KTN1: variants seen among roughly 807,000 people sequenced by gnomAD.
KTN1 encodes the protein kinectin.
KTN1 carries 130 observed loss-of-function variants against 222.5 expected under a neutral mutation model. The ratio of observed to expected loss-of-function variants is 0.58; its 90% CI spans 0.51 to 0.68. The LOEUF (loss-of-function observed/expected upper bound fraction) is 0.68. Ranked by LOEUF, KTN1 falls within the 30% of genes least tolerant of loss-of-function variation. The pLI is 0.00. For missense variants in KTN1, 1,508 were observed against 1,500.4 expected (o/e 1.01, Z -0.08); for synonymous variants, 512 against 496.3 (o/e 1.03, Z -0.42).
At chr14:55,637,737 T>G in intron 11 of KTN1, 42 bp from the exon 12 acceptor site, 1 of 1,433,186 alleles carries the variant, frequency 7.0e-7, no homozygotes, top group Non-Finnish European at 9.8e-7. Flanking sequence ...TGGGGTTATT[T>G]ATTAGCATGC....
chr14:55,671,736 T>C (rs755738895), intron 36 of KTN1, 49 bp from the exon 37 acceptor site: 1 of 1,537,008 alleles, frequency 6.5e-7, no homozygotes, highest in Non-Finnish European at 9.0e-7. Flanking sequence ...TAGTTTTATC[T>C]TGGCATTAGA....
chr14:55,608,010 G>GTC (rs1482208156), intron 1 of KTN1, among the ~76,000 whole-genome samples: 1 of 152,174 alleles, frequency 6.6e-6, no homozygotes, highest in Admixed American at 6.5e-5. Flanking sequence ...GCGTCTACAT[G>GTC]TCTCCATGTT....
At chr14:55,635,891 T>C (rs2041066920) in intron 9 of KTN1, among the ~76,000 whole-genome samples, 1 of 152,200 alleles carries the variant, frequency 6.6e-6, no homozygotes, top group African/African-American at 2.4e-5. Flanking sequence ...TGTTGGGAGA[T>C]TGATATAAGT....
At chr14:55,657,397 G>GTTTTTTTTTTTTTTTTT (rs35297700) in intron 29 of KTN1, among the ~76,000 whole-genome samples, 99 of 137,600 alleles carry the variant, frequency 7.2e-4, no homozygotes, top group African/African-American at 2.5e-3. Flanking sequence ...CTGAGTTGAC[G>GTTTTTTTTTTTTTTTTT]TTTTTTTTTT....
At chr14:55,615,679 A>G (rs543383155) in intron 2 of KTN1, among the ~76,000 whole-genome samples, 5 of 152,266 alleles carry the variant, frequency 3.3e-5, no homozygotes, top group East Asian at 1.9e-4. Context: ...TCAGGTTGCA[A>G]TTAGCTGAGG....
intron 5 of KTN1, among the ~76,000 whole-genome samples, chr14:55,621,909 C>T (rs1007671246): frequency 2.1e-5 from 3 of 142,040 alleles, no homozygotes; most frequent in Non-Finnish European, 4.5e-5. Context: ...AGTGCAGTGG[C>T]GTGATCTCGG....
In KTN1 at chr14:55,671,666, A is replaced by AT; in HGVS notation, c.3438+16dup. ...GTCCTTGCAGAAACAGTAGGAAATG[A>AT]TTTTTAATCTACATTTTGATTTTAC... On this transcript the variant is annotated intron_variant, in intron 36 of 43. Transcript: ENST00000395314. 1.9e-6 allele frequency: 3 copies of AT among 1,596,564 alleles called. No individual in the cohort carries two copies. The highest frequency in any genetic ancestry group is 3.3e-4 in the Middle Eastern group (2 of 6,006).
intron 29 of KTN1, among the ~76,000 whole-genome samples, chr14:55,657,397 G>GTTTTTTTTTTTTTGTTTTTTTTTTTTTTT: frequency 7.3e-6 from 1 of 137,672 alleles, no homozygotes; most frequent in South Asian, 2.3e-4. Flanking sequence ...CTGAGTTGAC[G>GTTTTTTTTTTTTTGTTTTTTTTTTTTTTT]TTTTTTTTTT....
At chr14:55,581,741 C>CA (rs1049598700) in intron 1 of KTN1, among the ~76,000 whole-genome samples, 28 of 152,154 alleles carry the variant, frequency 1.8e-4, no homozygotes, top group African/African-American at 6.8e-4. Flanking sequence ...TGGTCCGAAG[C>CA]AATTGCTGGT....
At chr14:55,606,623 A>C (rs758338320) in intron 1 of KTN1, among the ~76,000 whole-genome samples, 2 of 152,142 alleles carry the variant, frequency 1.3e-5, no homozygotes, top group Non-Finnish European at 2.9e-5. Flanking sequence ...AAATTGTTGT[A>C]TTACTTGAAA....
intron 31 of KTN1, among the ~76,000 whole-genome samples, chr14:55,660,389 G>GTTT (rs34898734): frequency 1.6e-5 from 2 of 121,762 alleles, no homozygotes; most frequent in Non-Finnish European, 3.4e-5. Flanking sequence ...TTCTTAAGGA[G>GTTT]TTTTTTTTTT....
intron 1 of KTN1, among the ~76,000 whole-genome samples, chr14:55,602,408 T>A (rs987853368): frequency 1.3e-5 from 2 of 152,312 alleles, no homozygotes; most frequent in African/African-American, 4.8e-5. Context: ...GTAGATACTA[T>A]ATACTTCCTT....
chr14:55,646,473 T>TTCCTTTTC (rs771130384), intron 18 of KTN1, among the ~76,000 whole-genome samples: 1 of 51,258 alleles, frequency 2.0e-5, no homozygotes, highest in Non-Finnish European at 3.9e-5. Flanking sequence ...TCCTTTCCTT[T>TTCCTTTTC]CCTTTCCTTT....
chr14:55,667,135 A>G (rs1259680724), intron 33 of KTN1, 106 bp from the exon 34 acceptor site: 2 of 715,800 alleles, frequency 2.8e-6, no homozygotes, highest in Non-Finnish European at 2.3e-6. Flanking sequence ...TTTTTTTTAA[A>G]CTTTTTCTTC....
intron 43 of KTN1, chr14:55,681,336 C>G (rs969923929): frequency 1.3e-5 from 2 of 152,240 alleles, no homozygotes; most frequent in African/African-American, 4.8e-5. Flanking sequence ...AGAGCTTAAA[C>G]AATTAAAAGA....
chr14:55,629,867 G>T, intron 6 of KTN1, 90 bp from the exon 7 acceptor site: 1 of 851,930 alleles, frequency 1.2e-6, no homozygotes, highest in African/African-American at 1.7e-5. Context: ...TTATTTTACT[G>T]ATGTTAAATA....
intron 17 of KTN1, 29 bp from the exon 18 acceptor site, chr14:55,641,663 A>C (rs780227183): frequency 7.2e-7 from 1 of 1,392,188 alleles, no homozygotes; most frequent in South Asian, 1.2e-5. Flanking sequence ...TTTCTTAATA[A>C]AACAGTAAAT....
intron 1 of KTN1, among the ~76,000 whole-genome samples, chr14:55,582,096 GA>G (rs2031805038): frequency 6.6e-6 from 1 of 152,004 alleles, no homozygotes; most frequent in Admixed American, 6.5e-5. Context: ...GGCTGATAAT[GA>G]ATTTGAAAAT....
chr14:55,672,363 A>G (rs2045527232), intron 37 of KTN1: 2 of 301,128 alleles, frequency 6.6e-6, no homozygotes, highest in Non-Finnish European at 1.2e-5. Context: ...ATGCACTTGC[A>G]GAATAAATAC....
Sources: gnomAD v4.1 joint callset for allele counts (sites outside exome capture counted in the v4.1 genomes callset) on GRCh38, gnomAD v4.1.1 for gene constraint, MANE v1.5 for transcripts, NCBI Gene and HGNC (gene_info 2026-07-23, HGNC 2026-07-21) for gene names.